The following ZNF385D variants were observed in gnomAD, a reference collection of about 807,000 sequenced individuals.
ZNF385D encodes zinc finger protein 385D.
ZNF385D carries 15 observed loss-of-function variants against 35.8 expected under a neutral mutation model. The ratio of observed to expected loss-of-function variants is 0.42; its 90% confidence interval spans 0.28 to 0.64. The LOEUF is 0.64. Among genes scored for constraint, ZNF385D ranks in the 30% least tolerant of loss-of-function variants. The pLI is 0.23. For synonymous variants in ZNF385D, 212 were observed against 186.8 expected, an observed-to-expected ratio of 1.13 and a Z score of -1.10; for missense variants, 474 against 494.6, an observed-to-expected ratio of 0.96 and a Z score of 0.39.
At chr3:21,743,127 G>A (rs1275728972) in intron 1 of ZNF385D, among the ~76,000 whole-genome samples, 1 of 152,146 alleles carries the variant, frequency 6.6e-6, no homozygotes, top group Non-Finnish European at 1.5e-5. Context: ...ACTACTGAAT[G>A]GAAGAGATAC....
chr3:22,213,669 A>T (rs1179812297), intron 2 of ZNF385D, among the ~76,000 whole-genome samples: 1 of 152,032 alleles, frequency 6.6e-6, no homozygotes. Flanking sequence ...TGATGTTGGC[A>T]TATTGTTCAT....
intron 3 of ZNF385D, among the ~76,000 whole-genome samples, chr3:21,511,272 C>T (rs1165544817): frequency 6.6e-6 from 1 of 152,016 alleles, no homozygotes; most frequent in African/African-American, 2.4e-5. Flanking sequence ...AACACTGACA[C>T]ATCAACAACA....
At chr3:22,284,461 A>G (rs1671411964) in intron 2 of ZNF385D, among the ~76,000 whole-genome samples, 3 of 152,126 alleles carry the variant, frequency 2.0e-5, no homozygotes, top group Middle Eastern at 3.4e-3. Context: ...AAGTGCTGGG[A>G]TTACAGGCAT....
rs575715558 is a variant in ZNF385D, at chr3:22,365,131, T to C, written c.106+7319A>G. Among the ~76,000 whole-genome samples, 63 of 151,724 alleles carry C rather than the reference T, an allele frequency of 4.2e-4. 1 individual carries two copies. The highest frequency in any genetic ancestry group is 1.4e-3 in the African/African-American group (60 of 41,388). ...GAACAACTGTTTAATGGATATAGAG[T>C]TTCAGTTTTGCAAGATGAAAAGAGT... On this transcript the variant is annotated intron_variant, in intron 2 of 5. Coordinates refer to the ZNF385D transcript ENST00000494108.
chr3:21,850,758 G>C (rs1696334245), intron 3 of ZNF385D, among the ~76,000 whole-genome samples: 1 of 151,842 alleles, frequency 6.6e-6, no homozygotes, highest in African/African-American at 2.4e-5. Context: ...ATTCCAGAAG[G>C]ACAATGCCTT....
At chr3:21,973,247 G>C (rs548666575) in intron 3 of ZNF385D, among the ~76,000 whole-genome samples, 29 of 152,052 alleles carry the variant, frequency 1.9e-4, no homozygotes, top group African/African-American at 6.7e-4. Flanking sequence ...TTCCAGGGAT[G>C]CAAGAATGGT....
At chr3:22,339,070 TATAA>T (rs1394467958) in intron 2 of ZNF385D, among the ~76,000 whole-genome samples, 1 of 152,118 alleles carries the variant, frequency 6.6e-6, no homozygotes, top group East Asian at 1.9e-4. Flanking sequence ...ATAGGCACAT[TATAA>T]ATGTGTGTGC....
At chr3:21,621,093 C>G (rs1457355328) in intron 2 of ZNF385D, among the ~76,000 whole-genome samples, 1 of 152,064 alleles carries the variant, frequency 6.6e-6, no homozygotes, top group Non-Finnish European at 1.5e-5. Flanking sequence ...ATCTGTGCTA[C>G]TTACAATGAT....
At chr3:22,032,444 C>G (rs930553367) in intron 3 of ZNF385D, among the ~76,000 whole-genome samples, 2 of 152,298 alleles carry the variant, frequency 1.3e-5, no homozygotes, top group East Asian at 1.9e-4. Context: ...ATCACTAGAA[C>G]AGCATGGAGG....
chr3:22,073,699 A>G (rs1235285504), intron 3 of ZNF385D, among the ~76,000 whole-genome samples: 1 of 151,920 alleles, frequency 6.6e-6, no homozygotes. Flanking sequence ...TGTAGGGGGA[A>G]TTAAAGAAAT....
intron 2 of ZNF385D, among the ~76,000 whole-genome samples, chr3:22,331,713 T>G (rs967643671): frequency 4.6e-5 from 7 of 152,148 alleles, no homozygotes; most frequent in Non-Finnish European, 1.0e-4. Flanking sequence ...CCAAAATATA[T>G]TGCCCAATAT....
At chr3:21,815,043 A>T (rs888088006) in intron 3 of ZNF385D, among the ~76,000 whole-genome samples, 1 of 152,194 alleles carries the variant, frequency 6.6e-6, no homozygotes, top group Non-Finnish European at 1.5e-5. Flanking sequence ...TCAAAACTGC[A>T]CAACTACATG....
chr3:21,945,179 G>T (rs546339255), intron 3 of ZNF385D, among the ~76,000 whole-genome samples: 1,711 of 108,256 alleles, frequency 0.016, 43 homozygotes, highest in African/African-American at 0.061. Context: ...TATATAGTGA[G>T]AGAGAGAGAG....
chr3:22,075,915 T>C (rs906097707), intron 3 of ZNF385D, among the ~76,000 whole-genome samples: 16 of 151,920 alleles, frequency 1.1e-4, no homozygotes, highest in African/African-American at 3.9e-4. Flanking sequence ...GTTCCTTGAG[T>C]TGGATGTCAA....
At chr3:21,578,253 A>C (rs978811001) in intron 2 of ZNF385D, among the ~76,000 whole-genome samples, 4 of 152,130 alleles carry the variant, frequency 2.6e-5, no homozygotes, top group African/African-American at 9.7e-5. Flanking sequence ...ATAGTTTGCA[A>C]ATATTTTCCT....
chr3:22,101,166 T>C (rs964160099), intron 3 of ZNF385D, among the ~76,000 whole-genome samples: 1 of 152,048 alleles, frequency 6.6e-6, no homozygotes, highest in African/African-American at 2.4e-5. Flanking sequence ...TAAGTTACTG[T>C]CTTTTCTAGT....
intron 1 of ZNF385D, among the ~76,000 whole-genome samples, chr3:21,718,258 TCC>T (rs1389941123): frequency 6.6e-6 from 1 of 152,212 alleles, no homozygotes; most frequent in Non-Finnish European, 1.5e-5. Context: ...GATCAATCCT[TCC>T]ATGGTTCCTA....
At chr3:21,746,729 G>C (rs1043977610) in intron 1 of ZNF385D, among the ~76,000 whole-genome samples, 3 of 152,298 alleles carry the variant, frequency 2.0e-5, no homozygotes, top group African/African-American at 7.2e-5. Flanking sequence ...CCTCATAACA[G>C]ATCACTCAGT....
chr3:21,880,188 G>T (rs1045755166), intron 3 of ZNF385D, among the ~76,000 whole-genome samples: 1 of 151,878 alleles, frequency 6.6e-6, no homozygotes, highest in Non-Finnish European at 1.5e-5. Context: ...AAGTGATCTA[G>T]ATCAGTAGGA....
Sources: gnomAD v4.1 joint callset for allele counts (sites outside exome capture counted in the v4.1 genomes callset) on GRCh38, gnomAD v4.1.1 for gene constraint, MANE v1.5 for transcripts, NCBI Gene and HGNC (gene_info 2026-07-23, HGNC 2026-07-21) for gene names.